AMER3: variants seen among roughly 807,000 people sequenced by gnomAD.
AMER3 encodes the protein family with sequence similarity 123C.
For missense variants in AMER3, 1,201 were observed against 1,139.4 expected, an observed-to-expected ratio of 1.05 and a Z score of -0.78; for synonymous variants, 541 against 485.5, an observed-to-expected ratio of 1.11 and a Z score of -1.50.
Position 130,764,151 on chromosome 2 carries a change from C to T in AMER3, c.2079C>T (p.Ala693=), listed in dbSNP as rs758450664. 9.3e-6 allele frequency: 15 copies of T among 1,609,896 alleles called. No homozygotes were observed. Among genetic ancestry groups the T allele is most frequent in the Middle Eastern group, 1.6e-4 (1 of 6,066 alleles). The change falls in exon 2 of 2, where the codon GCC becomes GCT. Residue 693 remains alanine, a synonymous_variant. Coordinates refer to ENST00000321420, the MANE Select transcript of AMER3 (RefSeq NM_152698.3). ...LKISSNEQPP[A]AWPPRQDMGS... ...TCAGCTCAAACGAACAGCCCCCGGC[C>T]GCATGGCCTCCAAGGCAAGACATGG...
In AMER3 at chr2:130,764,200, T is replaced by A; in HGVS notation, c.2128T>A (p.Trp710Arg). 6.2e-7 allele frequency: 1 copy of A among 1,608,708 alleles called. No individual in the cohort carries two copies. Among genetic ancestry groups the A allele is most frequent in the Non-Finnish European group, 8.5e-7 (1 of 1,177,256 alleles). ...DMGSGLFGQR[W>R]ARGPDMLEQK... ...GGGCAGTGGGCTCTTTGGGCAGCGC[T>A]GGGCCAGGGGCCCTGACATGCTGGA... is the stretch of plus-strand genomic sequence containing the variant. The change falls in exon 2 of 2, where the codon TGG becomes AGG. Residue 710 changes from tryptophan (W) to arginine (R), a missense_variant. Physicochemically the swap from Trp to Arg is moderately radical, Grantham distance 101. Transcript: ENST00000321420.
At chr2:130,757,394 C>G (rs1678644162) in intron 1 of AMER3, among the ~76,000 whole-genome samples, 1 of 152,156 alleles carries the variant, frequency 6.6e-6, no homozygotes, top group African/African-American at 2.4e-5. Flanking sequence ...CTCTGTGTCT[C>G]CGCTGTCCAT....
chr2:130,756,994 T>C (rs971561622), intron 1 of AMER3, among the ~76,000 whole-genome samples: 2 of 152,152 alleles, frequency 1.3e-5, no homozygotes, highest in Admixed American at 6.5e-5. Context: ...TGTATCACAC[T>C]GCTGTGACTT....
At position 130,763,427 on chromosome 2, in the gene AMER3, C is replaced by T. The variant is rs1326472040; in HGVS notation, c.1355C>T (p.Ala452Val). ...LCVSESLSGP[A>V]LGTPLSICSF... ...GTGTCTGAGAGTCTGTCAGGGCCGG[C>T]CCTGGGGACGCCACTGTCCATATGC... Residue 452 changes from alanine (A) to valine (V), a missense_variant, in exon 2 of 2, where the codon GCC (alanine) becomes GTC (valine). By Grantham distance (64) the Ala-to-Val change is moderately conservative. Transcript: ENST00000321420. The T allele has an allele frequency of 1.2e-6, 2 of 1,613,046 alleles. No individual in the cohort carries two copies. Among genetic ancestry groups the T allele is most frequent in the Non-Finnish European group, 1.7e-6 (2 of 1,180,028 alleles).
In AMER3 at chr2:130,763,425, G is replaced by T. The variant is rs755026977; in HGVS notation, c.1353G>T (p.Pro451=). The T allele has an allele frequency of 6.2e-7, 1 of 1,612,986 alleles. No homozygotes were observed. Among genetic ancestry groups the T allele is most frequent in the African/African-American group, 1.3e-5 (1 of 75,044 alleles). The change falls in exon 2 of 2, where the codon CCG becomes CCT. Residue 451 remains proline, a synonymous_variant. Transcript: ENST00000321420. ...DLCVSESLSG[P]ALGTPLSICS... ...GCGTGTCTGAGAGTCTGTCAGGGCC[G>T]GCCCTGGGGACGCCACTGTCCATAT... is the stretch of plus-strand genomic sequence containing the variant.
chr2:130,761,083 T>C (rs1678763367), intron 1 of AMER3, among the ~76,000 whole-genome samples: 2 of 152,170 alleles, frequency 1.3e-5, no homozygotes, highest in South Asian at 4.1e-4. Context: ...AATTCATTTT[T>C]TCTGTCCTCC....
Position 130,764,620 on chromosome 2 carries a change from G to A in AMER3, c.2548G>A (p.Gly850Arg). The A allele has an allele frequency of 6.2e-7, 1 of 1,608,478 alleles. No homozygotes were observed. The highest frequency in any genetic ancestry group is 8.5e-7 in the Non-Finnish European group (1 of 1,178,738). Residue 850 changes from glycine (G) to arginine (R), a missense_variant, in exon 2 of 2, where the codon GGG becomes AGG. By Grantham distance (125) the Gly-to-Arg change is moderately radical (BLOSUM62 -2). Coordinates refer to ENST00000321420, the MANE Select transcript of AMER3 (RefSeq NM_152698.3). ...CCTCCTCTGTGGCCAGCCAGAAGTG[G>A]GGGCCTCTGGGCCAGCCATGGCTGA... Reference protein sequence around the residue: ...EGLLCGQPEVGASGPAMAEPH... With the variant: ...EGLLCGQPEVRASGPAMAEPH...
At position 130,762,650 on chromosome 2, in the gene AMER3, C is replaced by A; in HGVS notation, c.578C>A (p.Pro193His). Residue 193 changes from proline to histidine, a missense_variant, in exon 2 of 2, where the codon CCT becomes CAT. Physicochemically the swap from Pro to His is moderately conservative, Grantham distance 77. Coordinates refer to ENST00000321420, the MANE Select transcript of AMER3 (RefSeq NM_152698.3). ...SLPSPGDPSD[P>H]GGRRSKAFLP... is the part of the protein sequence containing the mutation. ...CCCTCCCCAGGGGACCCGTCAGACC[C>A]TGGGGGGCGGCGAAGCAAAGCCTTC... The A allele has an allele frequency of 1.2e-6, 2 of 1,611,676 alleles. No individual in the cohort carries two copies. Among genetic ancestry groups the A allele is most frequent in the Non-Finnish European group, 1.7e-6 (2 of 1,179,842 alleles).
rs904140782 is a variant in AMER3, at chr2:130,764,856, G to A, written c.*198G>A. 15 of 677,012 alleles carry A rather than the reference G, an allele frequency of 2.2e-5. No individual in the cohort carries two copies. The highest frequency in any genetic ancestry group is 5.4e-5 in the African/African-American group (3 of 55,160). 41.9% of individuals were successfully genotyped at this position (677,012 alleles called of 1,614,324 possible). On this transcript the variant is annotated 3_prime_UTR_variant, in exon 2 of 2. Coordinates refer to ENST00000321420, the MANE Select transcript of AMER3 (RefSeq NM_152698.3). Reference sequence around the variant, plus strand: ...AACCCACCAGCTCAGGCAGCCCACCGCCAAAGACAGCGCGAAGCTGCAACC... The same window carrying A: ...AACCCACCAGCTCAGGCAGCCCACCACCAAAGACAGCGCGAAGCTGCAACC...
intron 1 of AMER3, among the ~76,000 whole-genome samples, chr2:130,757,870 C>T (rs550513013): frequency 3.9e-5 from 6 of 152,312 alleles, no homozygotes; most frequent in Non-Finnish European, 8.8e-5. Context: ...CGGTGGCTTA[C>T]GCCTGTAATC....
intron 1 of AMER3, among the ~76,000 whole-genome samples, chr2:130,757,005 T>C (rs1678631299): frequency 6.6e-6 from 1 of 152,178 alleles, no homozygotes; most frequent in Admixed American, 6.5e-5. Flanking sequence ...GCTGTGACTT[T>C]CCTGCATACC....
intron 1 of AMER3, among the ~76,000 whole-genome samples, chr2:130,757,333 T>A (rs942419788): frequency 1.3e-5 from 2 of 151,938 alleles, no homozygotes; most frequent in African/African-American, 4.8e-5. Flanking sequence ...GACAGAGGAG[T>A]CTCTGCCACC....
At chr2:130,756,209 C>T (rs1678602373) in intron 1 of AMER3, 1 of 147,924 alleles carries the variant, frequency 6.8e-6, no homozygotes, top group African/African-American at 2.4e-5. Flanking sequence ...CTCGCCTGCC[C>T]GACCCCGCGG....
rs1188303778 is a variant in AMER3, at chr2:130,764,142, G to A, written c.2070G>A (p.Gln690=). 3 of 1,610,462 alleles carry A rather than the reference G, an allele frequency of 1.9e-6. No individual in the cohort carries two copies. Among genetic ancestry groups the A allele is most frequent in the African/African-American group, 1.3e-5 (1 of 74,898 alleles). ...VAALKISSNE[Q]PPAAWPPRQD... is the part of the protein sequence containing the mutation. Reference sequence around the variant, plus strand: ...CCCTGAAGATCAGCTCAAACGAACAGCCCCCGGCCGCATGGCCTCCAAGGC... The same window carrying A: ...CCCTGAAGATCAGCTCAAACGAACAACCCCCGGCCGCATGGCCTCCAAGGC... Residue 690 remains glutamine (Q), a synonymous_variant, in exon 2 of 2, where the codon CAG becomes CAA. Transcript: ENST00000321420.
rs377081234 is a variant in AMER3, at chr2:130,764,588, G to A, written c.2516G>A (p.Arg839His). 7.4e-5 allele frequency: 119 copies of A among 1,605,462 alleles called. No homozygotes were observed. Among genetic ancestry groups the A allele is most frequent in the Non-Finnish European group, 9.3e-5 (110 of 1,177,062 alleles). ...GAATGCCGCTGCAGCCTCCTGGCCC[G>A]TGAGGGCCTCCTCTGTGGCCAGCCA... is the stretch of plus-strand genomic sequence containing the variant. ...APECRCSLLA[R>H]EGLLCGQPEV... Residue 839 changes from arginine (R) to histidine (H), a missense_variant, in exon 2 of 2, where the codon CGT (arginine) becomes CAT (histidine). By Grantham distance (29) the Arg-to-His change is conservative. Transcript: ENST00000321420.
In AMER3 at chr2:130,764,331, C is replaced by T. The variant is rs968087339; in HGVS notation, c.2259C>T (p.Ser753=). ...QRCRDRVQDL[S]WLRVEPTGLG... is the part of the protein sequence containing the mutation. ...GTCGAGATCGTGTCCAGGACCTGAG[C>T]TGGCTCAGGGTGGAGCCCACCGGGC... Residue 753 remains serine, a synonymous_variant, in exon 2 of 2, where the codon AGC becomes AGT. Coordinates refer to ENST00000321420, the MANE Select transcript of AMER3 (RefSeq NM_152698.3). 11 of 1,608,712 alleles carry T rather than the reference C, an allele frequency of 6.8e-6. No homozygotes were observed. The highest frequency in any genetic ancestry group is 4.0e-5 in the African/African-American group (3 of 74,836).
Position 130,765,841 on chromosome 2 carries a change from A to G in AMER3, c.*1183A>G, listed in dbSNP as rs1678968583. Reference sequence around the variant, plus strand: ...CATTGAGGGTGGATCTTCCACACCTAGGCCCCTCAGATTCACACACTAATC... The same window carrying G: ...CATTGAGGGTGGATCTTCCACACCTGGGCCCCTCAGATTCACACACTAATC... On this transcript the variant is annotated 3_prime_UTR_variant, in exon 2 of 2. Transcript: ENST00000321420. The G allele has an allele frequency of 6.0e-6, 1 of 167,014 alleles. No homozygotes were observed. 10.3% of individuals were successfully genotyped at this position (167,014 alleles called of 1,614,324 possible). A position where few individuals can be genotyped will look rare whatever the true frequency, so the allele number is the denominator to read the frequency against.
In AMER3 at chr2:130,762,660, G is replaced by T; in HGVS notation, c.588G>T (p.Arg196=). The change falls in exon 2 of 2, where the codon CGG becomes CGT. Residue 196 remains arginine, a synonymous_variant. Coordinates refer to ENST00000321420, the MANE Select transcript of AMER3 (RefSeq NM_152698.3). ...GGGACCCGTCAGACCCTGGGGGGCG[G>T]CGAAGCAAAGCCTTCCTCCCCCCGG... ...SPGDPSDPGG[R]RSKAFLPPGE... is the part of the protein sequence containing the mutation. The T allele has an allele frequency of 6.2e-7, 1 of 1,610,786 alleles. No homozygotes were observed. Among genetic ancestry groups the T allele is most frequent in the South Asian group, 1.1e-5 (1 of 91,038 alleles).
Position 130,763,880 on chromosome 2 carries a change from A to G in AMER3, c.1808A>G (p.Glu603Gly). The change falls in exon 2 of 2, where the codon GAA becomes GGA. Residue 603 changes from glutamate (E) to glycine (G), a missense_variant. Glu to Gly is a moderately conservative substitution (Grantham distance 98). Transcript: ENST00000321420. ...CTGTCCAGGGATGCCTCTCGAGAGG[A>G]AGAGACACGAGGTCACTCTGAAGGC... is the stretch of plus-strand genomic sequence containing the variant. ...GTLSRDASRE[E>G]ETRGHSEGLF... 6.2e-7 allele frequency: 1 copy of G among 1,613,544 alleles called. No individual in the cohort carries two copies. Among genetic ancestry groups the G allele is most frequent in the South Asian group, 1.1e-5 (1 of 91,088 alleles).
Sources: gnomAD v4.1 joint callset for allele counts (sites outside exome capture counted in the v4.1 genomes callset) on GRCh38, gnomAD v4.1.1 for gene constraint, MANE v1.5 for transcripts, NCBI Gene and HGNC (gene_info 2026-07-23, HGNC 2026-07-21) for gene names.